RBFOX1: variants seen among roughly 807,000 people sequenced by gnomAD.
RBFOX1 encodes the protein RNA binding protein fox-1 homolog 1.
RBFOX1 carries 8 observed loss-of-function variants against 57.7 expected under a neutral mutation model. That is an observed-to-expected ratio of 0.14 (90% CI 0.08 to 0.25). The LOEUF is 0.25. RBFOX1 is among the 10% of genes least tolerant of loss of function. The probability of loss-of-function intolerance (pLI) is 1.00; values close to 1 mark genes in which losing one functional copy is unlikely to be tolerated. For missense variants in RBFOX1, 611 were observed against 548.5 expected (o/e 1.11, Z -1.14); for synonymous variants, 326 against 222.4 (o/e 1.47, Z -4.15).
chr16:5,380,452 G>A (rs1567418878), intron 1 of RBFOX1, among the ~76,000 whole-genome samples: 1 of 152,158 alleles, frequency 6.6e-6, no homozygotes, highest in African/African-American at 2.4e-5. Flanking sequence ...TGCTGTGATC[G>A]TCTTTATACT....
chr16:6,897,682 A>G (rs1387882180), intron 3 of RBFOX1, among the ~76,000 whole-genome samples: 1 of 152,090 alleles, frequency 6.6e-6, no homozygotes, highest in Non-Finnish European at 1.5e-5. Flanking sequence ...AATCACAGCC[A>G]GTTGGGAGCC....
At chr16:5,743,768 C>T (rs1184026672) in intron 3 of RBFOX1, among the ~76,000 whole-genome samples, 1 of 152,118 alleles carries the variant, frequency 6.6e-6, no homozygotes, top group African/African-American at 2.4e-5. Flanking sequence ...GTCTGAAACT[C>T]CTGGCCCTAA....
intron 3 of RBFOX1, among the ~76,000 whole-genome samples, chr16:6,931,350 C>T (rs999109063): frequency 1.3e-5 from 2 of 149,424 alleles, no homozygotes; most frequent in Non-Finnish European, 3.0e-5. Context: ...TACACACACA[C>T]ACACACACAC....
At chr16:7,029,075 T>TAC (rs2041937864) in intron 3 of RBFOX1, among the ~76,000 whole-genome samples, 2 of 46,080 alleles carry the variant, frequency 4.3e-5, no homozygotes, top group African/African-American at 2.4e-4. Context: ...TATATATATA[T>TAC]ATATATACAC....
intron 1 of RBFOX1, among the ~76,000 whole-genome samples, chr16:5,358,510 C>A (rs562990314): frequency 6.6e-6 from 1 of 152,234 alleles, no homozygotes; most frequent in South Asian, 2.1e-4. Context: ...ATAATCACAT[C>A]ATGTAAAATC....
At chr16:7,092,437 T>A (rs1331261513) in intron 4 of RBFOX1, among the ~76,000 whole-genome samples, 1 of 152,262 alleles carries the variant, frequency 6.6e-6, no homozygotes, top group Non-Finnish European at 1.5e-5. Flanking sequence ...AACCTGCTTT[T>A]ATCACTTAAC....
Position 7,039,747 on chromosome 16 carries a change from C to T in RBFOX1, c.-15-12310C>T, listed in dbSNP as rs539547880. 2.6e-5 allele frequency among the ~76,000 whole-genome samples: 4 copies of T among 152,222 alleles called. No homozygotes were observed. In the South Asian group the frequency reaches 8.3e-4, roughly 32 times the overall value. On this transcript the variant is annotated intron_variant, in intron 3 of 15. Coordinates refer to ENST00000550418, the MANE Select transcript of RBFOX1 (RefSeq NM_018723.4). ...AGTGGGTATGATTACAACCATACGT[C>T]GGATTATAGGACTGTATTATGTTCA...
intron 4 of RBFOX1, among the ~76,000 whole-genome samples, chr16:6,003,578 C>T (rs1357734163): frequency 6.7e-6 from 1 of 149,586 alleles, no homozygotes; most frequent in Non-Finnish European, 1.5e-5. Flanking sequence ...GTAGCTAGTG[C>T]CTTTTTAAAT....
intron 1 of RBFOX1, among the ~76,000 whole-genome samples, chr16:5,276,688 CAGG>C (rs1163513697): frequency 1.3e-5 from 2 of 152,250 alleles, no homozygotes; most frequent in Admixed American, 6.5e-5. Context: ...GCGGCTGAGA[CAGG>C]AGAATTGCTT....
intron 3 of RBFOX1, among the ~76,000 whole-genome samples, chr16:6,806,806 A>ATAAATATG (rs1461843122): frequency 4.8e-5 from 4 of 83,390 alleles, no homozygotes; most frequent in African/African-American, 1.5e-4. Flanking sequence ...ATATATATAA[A>ATAAATATG]TAAATATATA....
At chr16:6,843,362 T>G (rs575690612) in intron 3 of RBFOX1, among the ~76,000 whole-genome samples, 3 of 152,166 alleles carry the variant, frequency 2.0e-5, no homozygotes, top group Non-Finnish European at 2.9e-5. Flanking sequence ...AAAAAATTCC[T>G]TACTTTTTGT....
At chr16:7,486,883 A>C (rs2065542260) in intron 4 of RBFOX1, among the ~76,000 whole-genome samples, 1 of 152,104 alleles carries the variant, frequency 6.6e-6, no homozygotes. Flanking sequence ...GTTCAAACAC[A>C]ATTCTCACTT....
intron 4 of RBFOX1, among the ~76,000 whole-genome samples, chr16:5,987,196 A>G (rs190013166): frequency 3.0e-4 from 46 of 152,274 alleles, no homozygotes; most frequent in Admixed American, 6.5e-5. Flanking sequence ...TTGTTCACAT[A>G]TTTTGCCTCC....
chr16:7,645,888 G>A (rs375013932), intron 11 of RBFOX1, among the ~76,000 whole-genome samples: 13 of 151,644 alleles, frequency 8.6e-5, no homozygotes, highest in African/African-American at 2.7e-4. Context: ...TTAAGTGGCC[G>A]TTTTGGTCTT....
chr16:7,308,277 G>C (rs910245386), intron 4 of RBFOX1, among the ~76,000 whole-genome samples: 10 of 144,552 alleles, frequency 6.9e-5, no homozygotes, highest in African/African-American at 2.6e-4. Flanking sequence ...CAAACTGCGT[G>C]TCAGATTCCA....
chr16:7,431,433 T>G (rs1540347), intron 4 of RBFOX1: 58,866 of 151,398 alleles, frequency 0.39, 15,719 homozygotes, highest in African/African-American at 0.76. Flanking sequence ...TGTAGATGGG[T>G]TCTTACTGTG....
chr16:6,627,643 G>C (rs747285963), intron 2 of RBFOX1, among the ~76,000 whole-genome samples: 21 of 152,106 alleles, frequency 1.4e-4, no homozygotes, highest in Admixed American at 7.2e-4. Flanking sequence ...AGATGTTCTT[G>C]AGACATGTGA....
rs575537156 is a variant in RBFOX1 at position 5,291,408 on chromosome 16, A to G, written c.219+51303A>G. Among the ~76,000 whole-genome samples, 52 of 151,712 alleles carry G rather than the reference A, an allele frequency of 3.4e-4. No homozygotes were observed. In the South Asian group the frequency reaches 9.4e-3, roughly 27 times the overall value. ...CTCCCGAGTAGCTGGGACTACAGGCACCCGCCACCACGCCCTGCTAATTTT... is the reference window on the plus strand; with the variant it reads ...CTCCCGAGTAGCTGGGACTACAGGCGCCCGCCACCACGCCCTGCTAATTTT... On this transcript the variant is annotated intron_variant, in intron 1 of 2. Transcript: ENST00000585867.
intron 3 of RBFOX1, among the ~76,000 whole-genome samples, chr16:5,616,994 C>T (rs74327685): frequency 4.6e-5 from 7 of 151,620 alleles, no homozygotes; most frequent in South Asian, 4.2e-4. Flanking sequence ...TGAAACTGGC[C>T]GGAGGGCAGT....
Sources: allele counts gnomAD v4.1 joint callset (sites outside exome capture counted in the v4.1 genomes callset), GRCh38; gene constraint gnomAD v4.1.1; transcripts MANE v1.5; gene names NCBI Gene and HGNC (gene_info 2026-07-23, HGNC 2026-07-21).